The following CRISPLD2 variants were observed in gnomAD, a reference collection of about 807,000 sequenced individuals.
The protein encoded by CRISPLD2 is cysteine rich secretory protein LCCL domain containing 2.
A neutral mutation model predicts 71.1 loss-of-function variants in CRISPLD2; 47 were observed. The observed-to-expected ratio is 0.66, with a 90% CI of 0.52 to 0.84. The LOEUF (loss-of-function observed/expected upper bound fraction) is 0.84. CRISPLD2 is among the 40% of genes least tolerant of loss of function. CRISPLD2 has a pLI of 0.00. For synonymous variants in CRISPLD2, 317 were observed against 250.1 expected, an observed-to-expected ratio of 1.27 and a Z score of -2.52; for missense variants, 830 against 651.1, an observed-to-expected ratio of 1.27 and a Z score of -2.99.
chr16:84,883,388 A>C (rs2071584938), intron 13 of CRISPLD2, among the ~76,000 whole-genome samples: 1 of 152,226 alleles, frequency 6.6e-6, no homozygotes, highest in African/African-American at 2.4e-5. Flanking sequence ...GGTGAGCTGC[A>C]GACAGAAGCA....
At chr16:84,837,918 C>T (rs532472440) in intron 1 of CRISPLD2, among the ~76,000 whole-genome samples, 8 of 152,106 alleles carry the variant, frequency 5.3e-5, no homozygotes, top group Non-Finnish European at 1.0e-4. Context: ...GGGTGGGGCC[C>T]GGGGCGAGGG....
chr16:84,823,831 A>G (rs573527914), intron 1 of CRISPLD2, among the ~76,000 whole-genome samples: 1 of 152,326 alleles, frequency 6.6e-6, no homozygotes, highest in South Asian at 2.1e-4. Flanking sequence ...TAAAAATTAT[A>G]AATTATGAAA....
intron 1 of CRISPLD2, among the ~76,000 whole-genome samples, chr16:84,832,635 C>T (rs980205816): frequency 7.2e-5 from 11 of 152,268 alleles, no homozygotes; most frequent in African/African-American, 2.7e-4. Context: ...AGGAATTCAT[C>T]TCCCTGGCCT....
chr16:84,866,976 T>C lies in CRISPLD2; in HGVS notation c.789T>C (p.Val263=), dbSNP rs761641105. The part of the protein sequence containing the change: ...ETAPIPEENH[V]WLQPRVMRPT... Reference sequence around the variant, plus strand: ...CTCCCATTCCTGAAGAAAACCATGTTTGGCTCCAACCGAGGGTGATGAGAC... The same window carrying C: ...CTCCCATTCCTGAAGAAAACCATGTCTGGCTCCAACCGAGGGTGATGAGAC... The change falls in exon 7 of 15, where the codon GTT becomes GTC. Residue 263 remains valine, a synonymous_variant. Transcript: ENST00000262424. 8 of 1,614,084 alleles carry C rather than the reference T, an allele frequency of 5.0e-6. No individual in the cohort carries two copies. Among genetic ancestry groups the C allele is most frequent in the Non-Finnish European group, 6.8e-6 (8 of 1,180,008 alleles).
chr16:84,887,659 C>T (rs1317171018), intron 13 of CRISPLD2, among the ~76,000 whole-genome samples: 3 of 151,952 alleles, frequency 2.0e-5, no homozygotes, highest in Non-Finnish European at 4.4e-5. Flanking sequence ...TGTGGATCAC[C>T]TGAGGTCAGG....
chr16:84,853,730 C>T (rs28420701), intron 5 of CRISPLD2, among the ~76,000 whole-genome samples: 6,652 of 152,314 alleles, frequency 0.044, 485 homozygotes, highest in African/African-American at 0.15. Context: ...ATTTCCCCAA[C>T]GCTCAGAGCA....
chr16:84,838,551 G>C lies in CRISPLD2; in HGVS notation c.56G>C (p.Gly19Ala). ...IPLGLLFLVC[G>A]SQGYLLPNVT... Reference sequence around the variant, plus strand: ...TTGGGGCTGCTGTTCCTGGTCTGCGGATCCCAAGGCTACCTCCTGCCCAAC... The same window carrying C: ...TTGGGGCTGCTGTTCCTGGTCTGCGCATCCCAAGGCTACCTCCTGCCCAAC... The change falls in exon 2 of 15, where the codon GGA becomes GCA. Residue 19 changes from glycine (G) to alanine (A), a missense_variant. By Grantham distance (60) the Gly-to-Ala change is moderately conservative. Coordinates refer to ENST00000262424, the MANE Select transcript of CRISPLD2 (RefSeq NM_031476.4). The C allele has an allele frequency of 6.2e-7, 1 of 1,614,228 alleles. No homozygotes were observed. Among genetic ancestry groups the C allele is most frequent in the Non-Finnish European group, 8.5e-7 (1 of 1,180,044 alleles).
rs34925006 is a variant in CRISPLD2 at position 84,850,594 on chromosome 16, C to T, written c.519C>T (p.Ile173=). 1,313 of 1,614,148 alleles carry T rather than the reference C, an allele frequency of 8.1e-4. 7 individuals carry two copies. The African/African-American group carries it at 0.014, about 17-fold the overall frequency. The change falls in exon 5 of 15, where the codon ATC becomes ATT. Residue 173 remains isoleucine, a synonymous_variant. Coordinates refer to ENST00000262424, the MANE Select transcript of CRISPLD2 (RefSeq NM_031476.4). ...TQIVWATTNK[I]GCAVNTCRKM... is the part of the protein sequence containing the mutation. ...TAGTTTGGGCCACCACCAACAAGAT[C>T]GGTTGTGCTGTGAACACCTGCCGGA...
At chr16:84,855,255 T>A (rs150255465) in intron 6 of CRISPLD2, among the ~76,000 whole-genome samples, 1 of 152,264 alleles carries the variant, frequency 6.6e-6, no homozygotes, top group African/African-American at 2.4e-5. Flanking sequence ...TAGGGTTCTC[T>A]AGAGGGACAG....
At chr16:84,893,799 A>G (rs2071682929) in intron 14 of CRISPLD2, among the ~76,000 whole-genome samples, 2 of 152,204 alleles carry the variant, frequency 1.3e-5, no homozygotes, top group South Asian at 4.1e-4. Flanking sequence ...ATCTCTGCAC[A>G]AAGCAGAGGC....
At chr16:84,866,264 G>A (rs969929956) in intron 6 of CRISPLD2, among the ~76,000 whole-genome samples, 6 of 147,236 alleles carry the variant, frequency 4.1e-5, no homozygotes, top group African/African-American at 1.3e-4. Context: ...ATGGAGTTTC[G>A]CTCTTGTCAC....
rs143676478 is a variant in CRISPLD2 at position 84,897,183 on chromosome 16, C to T, written c.1439+7820C>T. On this transcript the variant is annotated intron_variant, in intron 14 of 14. Transcript: ENST00000262424. ...TCTAGGCCGGGTGCGGCGGCTCATGCCTGTAATCCAGGTACATTGGGAGGC... is the reference window on the plus strand; with the variant it reads ...TCTAGGCCGGGTGCGGCGGCTCATGTCTGTAATCCAGGTACATTGGGAGGC... 4.7e-3 allele frequency among the ~76,000 whole-genome samples: 716 copies of T among 152,148 alleles called. 6 individuals are homozygous for T. Among genetic ancestry groups the T allele is most frequent in the African/African-American group, 0.017 (688 of 41,524 alleles).
chr16:84,906,782 T>C lies in CRISPLD2; in HGVS notation c.*140T>C, dbSNP rs1304194998. 2 of 985,208 alleles carry C rather than the reference T, an allele frequency of 2.0e-6. No homozygotes were observed. The highest frequency in any genetic ancestry group is 2.5e-5 in the East Asian group (1 of 39,646). 61.0% of individuals were successfully genotyped at this position (985,208 alleles called of 1,614,324 possible). On this transcript the variant is annotated 3_prime_UTR_variant, in exon 15 of 15. Coordinates refer to ENST00000262424, the MANE Select transcript of CRISPLD2 (RefSeq NM_031476.4). Reference sequence around the variant, plus strand: ...GTTCAGTGTCCATCACTTTGTGGCCTGTGGGTGAGGTGACATCTCATCCCC... The same window carrying C: ...GTTCAGTGTCCATCACTTTGTGGCCCGTGGGTGAGGTGACATCTCATCCCC...
intron 5 of CRISPLD2, among the ~76,000 whole-genome samples, chr16:84,851,917 C>T (rs56290224): frequency 0.22 from 33,941 of 152,180 alleles, 4,503 homozygotes; most frequent in South Asian, 0.32. Flanking sequence ...GTCTCACATG[C>T]ATTAGTCTGT....
At chr16:84,873,560 T>G in intron 10 of CRISPLD2, 1 of 226,786 alleles carries the variant, frequency 4.4e-6, no homozygotes, top group Non-Finnish European at 8.4e-6. Context: ...CAAATGTGTT[T>G]TTATAATTTG....
At chr16:84,859,043 C>T (rs561343300) in intron 6 of CRISPLD2, among the ~76,000 whole-genome samples, 1 of 152,334 alleles carries the variant, frequency 6.6e-6, no homozygotes, top group Admixed American at 6.5e-5. Flanking sequence ...TGGCACTAAT[C>T]TCTGCAGTCC....
rs1196939619 is a variant in CRISPLD2, at chr16:84,873,021, C to G, written c.1011C>G (p.His337Gln). The G allele has an allele frequency of 1.2e-6, 2 of 1,613,752 alleles. No homozygotes were observed. The highest frequency in any genetic ancestry group is 1.3e-5 in the African/African-American group (1 of 74,884). The part of the protein sequence containing the change: ...SSSSICRAAI[H>Q]YGILDDKGGL... ...CTAGCATATGCCGCGCCGCCATCCA[C>G]TACGGGATCCTGGATGACAAGGGAG... Residue 337 changes from histidine to glutamine, a missense_variant, in exon 10 of 15, where the codon CAC becomes CAG. Transcript: ENST00000262424.
chr16:84,865,140 A>G (rs1230718082), intron 6 of CRISPLD2, among the ~76,000 whole-genome samples: 1 of 150,760 alleles, frequency 6.6e-6, no homozygotes, highest in East Asian at 1.9e-4. Context: ...ATTGAGGAAC[A>G]CCTGATGAAA....
At chr16:84,890,654 C>G (rs1387744702) in intron 14 of CRISPLD2, among the ~76,000 whole-genome samples, 3 of 151,942 alleles carry the variant, frequency 2.0e-5, no homozygotes, top group Middle Eastern at 3.4e-3. Context: ...GTAATCCCAG[C>G]ACTGTGGGAA....
Sources: gnomAD v4.1 joint callset for allele counts (sites outside exome capture counted in the v4.1 genomes callset) on GRCh38, gnomAD v4.1.1 for gene constraint, MANE v1.5 for transcripts, NCBI Gene and HGNC (gene_info 2026-07-23, HGNC 2026-07-21) for gene names.